GMDS: variants seen among roughly 807,000 people sequenced by gnomAD.
GMDS encodes the protein GDP-mannose 4,6-dehydratase, also known as GDP-mannose 4,6 dehydratase.
Under a neutral mutation model 49.9 loss-of-function variants are expected in GMDS, and 20 were observed. The ratio of observed to expected loss-of-function variants is 0.40; its 90% CI spans 0.28 to 0.58. The LOEUF (loss-of-function observed/expected upper bound fraction) is 0.58, where lower values mean the gene tolerates loss of function less well. GMDS is among the 20% of genes least tolerant of loss of function. The probability of loss-of-function intolerance (pLI) is 0.42; values close to 1 mark genes in which losing one functional copy is unlikely to be tolerated. For missense variants in GMDS, 362 were observed against 481.4 expected (o/e 0.75, Z 2.32); for synonymous variants, 177 against 178.6 (o/e 0.99, Z 0.07).
intron 9 of GMDS, among the ~76,000 whole-genome samples, chr6:1,661,573 G>A (rs2113250347): frequency 6.6e-6 from 1 of 152,306 alleles, no homozygotes; most frequent in Admixed American, 6.5e-5. Flanking sequence ...GCGTGCTAGT[G>A]GCAGGTCAAG....
intron 9 of GMDS, among the ~76,000 whole-genome samples, chr6:1,652,979 TTCCGGGCCACCTGCAGTCACCCAGGTC>T (rs945136390): frequency 6.6e-6 from 1 of 150,968 alleles, no homozygotes; most frequent in African/African-American, 2.4e-5. Flanking sequence ...TATTTTGGCC[TTCCGGGCCACCTGCAGTCACCCAGGTC>T]TCCGACCCAC....
Position 1,915,541 on chromosome 6 carries a change from C to T in GMDS, c.771+14562G>A, listed in dbSNP as rs557849219. On this transcript the variant is annotated intron_variant, in intron 7 of 10. Coordinates refer to ENST00000380815, the MANE Select transcript of GMDS (RefSeq NM_001500.4). Reference sequence around the variant, plus strand: ...GGCCGAGAATGCATGCTCCAGACAGCGGCCTTTATTCCATGGTGGAGACAG... The same window carrying T: ...GGCCGAGAATGCATGCTCCAGACAGTGGCCTTTATTCCATGGTGGAGACAG... 3.9e-5 allele frequency among the ~76,000 whole-genome samples: 6 copies of T among 152,322 alleles called. No homozygotes were observed. In the South Asian group the frequency reaches 8.3e-4, roughly 21 times the overall value.
intron 4 of GMDS, among the ~76,000 whole-genome samples, chr6:2,009,723 G>A (rs980149899): frequency 2.0e-5 from 3 of 152,144 alleles, no homozygotes; most frequent in African/African-American, 7.2e-5. Flanking sequence ...AATGGAAAGG[G>A]AAAATGATTA....
At chr6:1,685,497 TA>T (rs1342934311) in intron 9 of GMDS, among the ~76,000 whole-genome samples, 7 of 152,062 alleles carry the variant, frequency 4.6e-5, no homozygotes, top group East Asian at 1.9e-4. Flanking sequence ...TTTTTTTAAT[TA>T]AAAAAAACTG....
intron 9 of GMDS, among the ~76,000 whole-genome samples, chr6:1,712,978 C>T (rs1179264238): frequency 1.3e-5 from 2 of 152,134 alleles, no homozygotes; most frequent in Admixed American, 6.5e-5. Flanking sequence ...GACACAAGGC[C>T]GTTTCTGCTG....
At chr6:1,780,434 C>T (rs754556410) in intron 7 of GMDS, among the ~76,000 whole-genome samples, 2 of 152,220 alleles carry the variant, frequency 1.3e-5, no homozygotes, top group Admixed American at 6.5e-5. Context: ...GCAGTGGCAA[C>T]GGTGTCCCCA....
intron 7 of GMDS, among the ~76,000 whole-genome samples, chr6:1,861,644 G>A (rs1758191079): frequency 6.6e-6 from 1 of 151,194 alleles, no homozygotes; most frequent in Admixed American, 6.6e-5. Flanking sequence ...AAAAAAAAAT[G>A]CGAAAAGGCA....
At chr6:1,955,440 T>C (rs1034077011) in intron 6 of GMDS, among the ~76,000 whole-genome samples, 1 of 152,202 alleles carries the variant, frequency 6.6e-6, no homozygotes, top group Non-Finnish European at 1.5e-5. Context: ...TATACTACTA[T>C]ATACATTTTC....
intron 7 of GMDS, among the ~76,000 whole-genome samples, chr6:1,866,117 G>A (rs1054071547): frequency 3.3e-5 from 5 of 152,184 alleles, no homozygotes; most frequent in Admixed American, 3.3e-4. Context: ...GGTGAAAGCT[G>A]TCAGGCAGTG....
At chr6:1,999,954 G>GTATATAATATATATTATATATA (rs1766585612) in intron 4 of GMDS, among the ~76,000 whole-genome samples, 1 of 12,278 alleles carries the variant, frequency 8.1e-5, no homozygotes, top group Non-Finnish European at 1.7e-4. Flanking sequence ...TATATAATAT[G>GTATATAATATATATTATATATA]TATATTATAT....
intron 7 of GMDS, among the ~76,000 whole-genome samples, chr6:1,928,653 A>T (rs944100221): frequency 6.6e-6 from 1 of 152,114 alleles, no homozygotes; most frequent in Non-Finnish European, 1.5e-5. Context: ...CTTCTTTGTA[A>T]TTATAGCTTA....
At chr6:1,673,247 A>T (rs1764483510) in intron 9 of GMDS, among the ~76,000 whole-genome samples, 1 of 152,042 alleles carries the variant, frequency 6.6e-6, no homozygotes, top group Admixed American at 6.6e-5. Flanking sequence ...GGTTCAACAA[A>T]TTGCAGGGCC....
At chr6:1,947,961 G>A (rs186969853) in intron 6 of GMDS, among the ~76,000 whole-genome samples, 261 of 152,104 alleles carry the variant, frequency 1.7e-3, no homozygotes, top group Non-Finnish European at 2.9e-3. Flanking sequence ...TTAATTTTAA[G>A]TTGCGAGGTG....
rs142254220 is a variant in GMDS, at chr6:2,053,029, T to G, written c.345+62742A>C. ...TGCAAGATCCTTACATACCACTTTT[T>G]GATTGTTTTTTAAAATTCCCAATGT... On this transcript the variant is annotated intron_variant, in intron 4 of 10. Coordinates refer to ENST00000380815, the MANE Select transcript of GMDS (RefSeq NM_001500.4). Among the ~76,000 whole-genome samples, 51 of 152,334 alleles carry G rather than the reference T, an allele frequency of 3.3e-4. 2 individuals carry two copies. The East Asian group carries it at 6.7e-3, about 20-fold the overall frequency.
intron 4 of GMDS, among the ~76,000 whole-genome samples, chr6:2,066,529 T>C (rs1166811253): frequency 1.3e-4 from 20 of 152,010 alleles, no homozygotes; most frequent in East Asian, 9.7e-4. Context: ...ACCCATCTCA[T>C]GTGCAGAGAC....
At chr6:1,789,524 T>TC (rs1769444713) in intron 7 of GMDS, among the ~76,000 whole-genome samples, 1 of 116,026 alleles carries the variant, frequency 8.6e-6, no homozygotes, top group Non-Finnish European at 1.7e-5. Flanking sequence ...TTTTTCTTTT[T>TC]CTTTTTTCTT....
At chr6:2,153,682 C>G (rs901067908) in intron 1 of GMDS, among the ~76,000 whole-genome samples, 1 of 152,090 alleles carries the variant, frequency 6.6e-6, no homozygotes, top group African/African-American at 2.4e-5. Flanking sequence ...AAAAAGTTAT[C>G]TAAACCCCAC....
At chr6:1,633,059 C>T (rs1763044076) in intron 9 of GMDS, among the ~76,000 whole-genome samples, 2 of 152,184 alleles carry the variant, frequency 1.3e-5, no homozygotes, top group African/African-American at 4.8e-5. Context: ...TGCACAGCTG[C>T]TTTTAACAGC....
chr6:1,643,986 G>T (rs909538030), intron 9 of GMDS, among the ~76,000 whole-genome samples: 1 of 152,064 alleles, frequency 6.6e-6, no homozygotes, highest in East Asian at 1.9e-4. Context: ...TCCCAGGGCG[G>T]ACGGCCCTTA....
Sources: gnomAD v4.1 joint callset for allele counts (sites outside exome capture counted in the v4.1 genomes callset) on GRCh38, gnomAD v4.1.1 for gene constraint, MANE v1.5 for transcripts, NCBI Gene and HGNC (gene_info 2026-07-23, HGNC 2026-07-21) for gene names.